The following PRKCE variants were observed in gnomAD, a reference collection of about 807,000 sequenced individuals.
PRKCE encodes protein kinase C epsilon type.
A neutral mutation model predicts 85.4 loss-of-function variants in PRKCE; 16 were observed. The ratio of observed to expected loss-of-function variants is 0.19; its 90% CI spans 0.13 to 0.28. The LOEUF (loss-of-function observed/expected upper bound fraction) is 0.28. Ranked by LOEUF, PRKCE falls within the 10% of genes least tolerant of loss-of-function variation. The pLI is 1.00. For synonymous variants in PRKCE, 388 were observed against 371.5 expected (o/e 1.04, Z -0.51); for missense variants, 573 against 975.2 (o/e 0.59, Z 5.49).
intron 2 of PRKCE, among the ~76,000 whole-genome samples, chr2:45,931,878 T>G (rs1699072929): frequency 6.6e-6 from 1 of 152,130 alleles, no homozygotes; most frequent in South Asian, 2.1e-4. Context: ...AGCTAATTTT[T>G]GTATTTTTAA....
chr2:46,175,792 T>C (rs1679361802), intron 14 of PRKCE, among the ~76,000 whole-genome samples: 1 of 152,030 alleles, frequency 6.6e-6, no homozygotes, highest in Admixed American at 6.6e-5. Flanking sequence ...AATGCCAGTA[T>C]ATAGCATGAA....
At chr2:45,994,950 G>A (rs1030856572) in intron 6 of PRKCE, among the ~76,000 whole-genome samples, 3 of 152,134 alleles carry the variant, frequency 2.0e-5, no homozygotes, top group Non-Finnish European at 4.4e-5. Flanking sequence ...ATGGCATTGG[G>A]TGTTATCAGT....
chr2:45,685,835 T>A (rs1677255399), intron 1 of PRKCE, among the ~76,000 whole-genome samples: 1 of 152,216 alleles, frequency 6.6e-6, no homozygotes. Flanking sequence ...AGCACTCTGC[T>A]GTGACAGGTA....
intron 2 of PRKCE, among the ~76,000 whole-genome samples, chr2:45,900,189 C>A (rs1001353672): frequency 2.0e-5 from 3 of 152,134 alleles, no homozygotes; most frequent in Non-Finnish European, 2.9e-5. Context: ...TGTGGTGCAG[C>A]CCCTGTGGAA....
Position 46,010,991 on chromosome 2 carries a change from A to T in PRKCE, c.1437+474A>T. On this transcript the variant is annotated intron_variant, in intron 10 of 14. Transcript: ENST00000306156. ...TAAAATTTCATAGTGAAACACAAAT[A>T]TAAGGCAGCATTTTTAATTTACCGC... 6 of 1,347,278 alleles carry T rather than the reference A, an allele frequency of 4.5e-6. 1 individual carries two copies. The highest frequency in any genetic ancestry group is 5.7e-6 in the Non-Finnish European group (6 of 1,045,072). The allele number at this position is 1,347,278 out of a possible 1,614,324, so 83.5% of individuals were successfully genotyped here. A position where few individuals can be genotyped will look rare whatever the true frequency, so the allele number is the denominator to read the frequency against.
intron 11 of PRKCE, among the ~76,000 whole-genome samples, chr2:46,135,034 G>GT (rs1348766503): frequency 6.6e-6 from 1 of 152,222 alleles, no homozygotes; most frequent in East Asian, 1.9e-4. Context: ...GCCACAGGCT[G>GT]TTTATTATTA....
rs1680374420 is a variant in PRKCE, at chr2:46,185,296, T to C, written c.*415T>C. 5.9e-6 allele frequency: 1 copy of C among 170,442 alleles called. No individual in the cohort carries two copies. Among genetic ancestry groups the C allele is most frequent in the Non-Finnish European group, 1.3e-5 (1 of 79,902 alleles). 10.6% of individuals were successfully genotyped at this position (170,442 alleles called of 1,614,324 possible). A position where few individuals can be genotyped will look rare whatever the true frequency, so the allele number is the denominator to read the frequency against. ...CAGATCCTGATCCCTCTTGCTTCTTTTCCCTCCTGCACCGCAGCTTGCCAT... is the reference window on the plus strand; with the variant it reads ...CAGATCCTGATCCCTCTTGCTTCTTCTCCCTCCTGCACCGCAGCTTGCCAT... On this transcript the variant is annotated 3_prime_UTR_variant, in exon 15 of 15. Transcript: ENST00000306156. The surrounding 1 kb of genome is among the most constrained non-coding windows in gnomAD (Gnocchi z 4.7).
chr2:46,165,755 C>G (rs895409485), intron 14 of PRKCE, among the ~76,000 whole-genome samples: 2 of 152,188 alleles, frequency 1.3e-5, no homozygotes, highest in Non-Finnish European at 2.9e-5. Flanking sequence ...CATTCCTTCC[C>G]CTCAAAAGCG....
At chr2:45,714,474 G>C (rs1679925904) in intron 1 of PRKCE, among the ~76,000 whole-genome samples, 1 of 152,222 alleles carries the variant, frequency 6.6e-6, no homozygotes, top group Non-Finnish European at 1.5e-5. Flanking sequence ...TGTGCTCAAG[G>C]TCAAAAAGCA....
At chr2:45,933,985 G>A (rs1016875410) in intron 2 of PRKCE, among the ~76,000 whole-genome samples, 3 of 152,156 alleles carry the variant, frequency 2.0e-5, no homozygotes, top group African/African-American at 7.2e-5. Flanking sequence ...TTTATCCAGT[G>A]AATTTGTCCA....
intron 2 of PRKCE, among the ~76,000 whole-genome samples, chr2:45,873,159 C>T (rs535588715): frequency 7.9e-5 from 12 of 152,176 alleles, no homozygotes; most frequent in Non-Finnish European, 1.8e-4. Context: ...TAATATTGGA[C>T]GGCCACTTCC....
chr2:46,175,657 C>A (rs1315560523), intron 14 of PRKCE, among the ~76,000 whole-genome samples: 2 of 152,196 alleles, frequency 1.3e-5, no homozygotes, highest in African/African-American at 2.4e-5. Flanking sequence ...GAAGGCTAAG[C>A]CACTAAGCTA....
intron 11 of PRKCE, among the ~76,000 whole-genome samples, chr2:46,088,735 G>A (rs568860540): frequency 6.6e-6 from 1 of 152,274 alleles, no homozygotes; most frequent in South Asian, 2.1e-4. Context: ...ATTGTTAGGT[G>A]CCAAGGACAA....
At chr2:45,750,740 A>C (rs1256486313) in intron 1 of PRKCE, among the ~76,000 whole-genome samples, 1 of 152,218 alleles carries the variant, frequency 6.6e-6, no homozygotes, top group Non-Finnish European at 1.5e-5. Flanking sequence ...TGAGTAATAC[A>C]TGGAAGTATA....
At chr2:45,758,793 A>C (rs945300867) in intron 1 of PRKCE, among the ~76,000 whole-genome samples, 2 of 152,142 alleles carry the variant, frequency 1.3e-5, no homozygotes, top group African/African-American at 4.8e-5. Context: ...ATGCTCAATA[A>C]ATTTTTGTTG....
At chr2:45,852,541 C>G (rs1284756912) in intron 2 of PRKCE, among the ~76,000 whole-genome samples, 2 of 152,182 alleles carry the variant, frequency 1.3e-5, no homozygotes, top group Non-Finnish European at 2.9e-5. Flanking sequence ...GTCCTGCCCT[C>G]TAGGAGCTCT....
At chr2:45,812,445 C>T (rs1394619449) in intron 1 of PRKCE, among the ~76,000 whole-genome samples, 1 of 152,076 alleles carries the variant, frequency 6.6e-6, no homozygotes, top group East Asian at 1.9e-4. Flanking sequence ...GCAGGGGATC[C>T]CATAGAAGGC....
At chr2:45,883,524 A>G (rs961567237) in intron 2 of PRKCE, among the ~76,000 whole-genome samples, 1 of 152,176 alleles carries the variant, frequency 6.6e-6, no homozygotes, top group African/African-American at 2.4e-5. Context: ...CCTTCTCCGC[A>G]TGTGCCAGCC....
At chr2:46,030,610 G>A (rs1351963477) in intron 10 of PRKCE, among the ~76,000 whole-genome samples, 1 of 152,128 alleles carries the variant, frequency 6.6e-6, no homozygotes, top group African/African-American at 2.4e-5. Context: ...GTGTGATTTG[G>A]GGATGCATAA....
Sources: allele counts gnomAD v4.1 joint callset (sites outside exome capture counted in the v4.1 genomes callset), GRCh38; gene constraint gnomAD v4.1.1; non-coding constraint Gnocchi (gnomAD v3.1); transcripts MANE v1.5; gene names NCBI Gene and HGNC (gene_info 2026-07-23, HGNC 2026-07-21).